VAC14: variants seen among roughly 807,000 people sequenced by gnomAD.
VAC14 encodes the protein protein VAC14 homolog.
In VAC14, 47 loss-of-function variants were observed where a neutral mutation model predicts 85.3. That is an observed-to-expected ratio of 0.55 (90% CI 0.44 to 0.70). The LOEUF (loss-of-function observed/expected upper bound fraction) is 0.70. VAC14 is among the 30% of genes least tolerant of loss of function. The probability of loss-of-function intolerance (pLI) is 0.00; values close to 1 mark genes in which losing one functional copy is unlikely to be tolerated. For synonymous variants in VAC14, 447 were observed against 430.5 expected (o/e 1.04, Z -0.47); for missense variants, 861 against 1,004.3 (o/e 0.86, Z 1.93).
intron 12 of VAC14, chr16:70,761,254 G>A (rs1320489338): frequency 2.2e-6 from 1 of 451,024 alleles, no homozygotes. Flanking sequence ...ACTCCATGGG[G>A]ACTGGTGAGC....
intron 12 of VAC14, among the ~76,000 whole-genome samples, chr16:70,757,582 C>T (rs1460958000): frequency 1.3e-5 from 2 of 152,198 alleles, no homozygotes; most frequent in East Asian, 3.9e-4. Flanking sequence ...TCAAGTCCCT[C>T]AAACACCCCT....
At chr16:70,718,816 G>A (rs1390396729) in intron 14 of VAC14, among the ~76,000 whole-genome samples, 3 of 152,192 alleles carry the variant, frequency 2.0e-5, no homozygotes, top group African/African-American at 7.2e-5. Flanking sequence ...GATCATAACT[G>A]GCTGGGATGC....
intron 1 of VAC14, among the ~76,000 whole-genome samples, chr16:70,793,959 G>A (rs566580731): frequency 3.9e-5 from 6 of 152,248 alleles, no homozygotes; most frequent in African/African-American, 1.2e-4. Context: ...CAGATATGAC[G>A]TAGGAATGAG....
At chr16:70,698,891 G>T in intron 14 of VAC14, 80 bp from the exon 15 acceptor site, 1 of 1,256,488 alleles carries the variant, frequency 8.0e-7, no homozygotes, top group Admixed American at 2.1e-5. Flanking sequence ...CCTCCTCTTG[G>T]TTTTGCAGCG....
intron 14 of VAC14, among the ~76,000 whole-genome samples, chr16:70,730,938 G>A (rs1043911246): frequency 6.6e-6 from 1 of 152,214 alleles, no homozygotes; most frequent in African/African-American, 2.4e-5. Flanking sequence ...ACCAGGTTGA[G>A]GGTGACACTG....
chr16:70,711,893 G>A lies in VAC14; in HGVS notation c.1662-13082C>T, dbSNP rs113758128. On this transcript the variant is annotated intron_variant, in intron 14 of 18. Coordinates refer to ENST00000261776, the MANE Select transcript of VAC14 (RefSeq NM_018052.5). ...ATGAATACTCACCAGTGGTAACAAA[G>A]AGCAAATATCAGAGCAGCCTCACGG... Among the ~76,000 whole-genome samples, 50 of 152,302 alleles carry A rather than the reference G, an allele frequency of 3.3e-4. 2 individuals are homozygous for A. Among genetic ancestry groups the A allele is most frequent in the African/African-American group, 1.1e-3 (46 of 41,570 alleles).
At chr16:70,744,921 C>T (rs78364423) in intron 12 of VAC14, 7,815 of 248,320 alleles carry the variant, frequency 0.031, 602 homozygotes, top group African/African-American at 0.16. Context: ...GGAAGCAGGG[C>T]GTTATCTGCA....
intron 18 of VAC14, 132 bp from the exon 19 acceptor site, chr16:70,688,222 G>A: frequency 7.6e-7 from 1 of 1,318,936 alleles, no homozygotes. Context: ...CTCAGGCCTG[G>A]CAACTCTTCC....
intron 14 of VAC14, among the ~76,000 whole-genome samples, chr16:70,725,393 G>A (rs1451048442): frequency 1.3e-5 from 2 of 152,250 alleles, no homozygotes; most frequent in African/African-American, 2.4e-5. Context: ...CACGAGGCCA[G>A]CAAAGTGGAA....
intron 14 of VAC14, among the ~76,000 whole-genome samples, chr16:70,700,964 AG>A (rs2053814155): frequency 6.6e-6 from 1 of 152,156 alleles, no homozygotes; most frequent in Non-Finnish European, 1.5e-5. Context: ...CAGGCTGAGG[AG>A]GGTGCGGAGG....
intron 10 of VAC14, among the ~76,000 whole-genome samples, chr16:70,765,693 G>C (rs1339222334): frequency 6.6e-6 from 1 of 152,198 alleles, no homozygotes; most frequent in African/African-American, 2.4e-5. Flanking sequence ...GGCTCAGAGA[G>C]AGTCCCTGGT....
chr16:70,702,675 C>T (rs1380856699), intron 14 of VAC14, among the ~76,000 whole-genome samples: 1 of 152,208 alleles, frequency 6.6e-6, no homozygotes, highest in Non-Finnish European at 1.5e-5. Flanking sequence ...GTAATAATAG[C>T]GGAAGTGTTG....
In VAC14 at chr16:70,695,634, A is replaced by G. The variant is rs1316804082; in HGVS notation, c.1956-11T>C. 2 of 1,611,222 alleles carry G rather than the reference A, an allele frequency of 1.2e-6. No individual in the cohort carries two copies. The highest frequency in any genetic ancestry group is 1.7e-6 in the Non-Finnish European group (2 of 1,177,990). ...ACCTCCAGGTCCCCACTGGGTGTGC[A>G]GTCAAGGAAAGTCTGTCTGCTGGGC... On this transcript the variant is annotated splice_polypyrimidine_tract_variant and intron_variant, in intron 16 of 18. Coordinates refer to ENST00000261776, the MANE Select transcript of VAC14 (RefSeq NM_018052.5).
In VAC14 at chr16:70,777,638, C is replaced by A. The variant is rs750101318; in HGVS notation, c.1096+3152G>T. ...GGGGGAGTCGGAGCAAGTGAAGAGG[C>A]ACAGATGAGGGGCTGCCCTGACTGG... On this transcript the variant is annotated intron_variant, in intron 9 of 18. Transcript: ENST00000261776. Among the ~76,000 whole-genome samples, 3 of 152,202 alleles carry A rather than the reference C, an allele frequency of 2.0e-5. No individual in the cohort carries two copies. In the East Asian group the frequency reaches 5.8e-4, roughly 29 times the overall value.
chr16:70,719,458 G>A lies in VAC14; in HGVS notation c.1661+12037C>T, dbSNP rs577608730. Among the ~76,000 whole-genome samples the A allele has an allele frequency of 2.6e-5, 4 of 152,316 alleles. No homozygotes were observed. In the Middle Eastern group the frequency reaches 0.014, roughly 518 times the overall value. ...TGATAAGGCATGCCACAGAGTAGGA[G>A]AAGATAATGACAGTATATACAACTG... On this transcript the variant is annotated intron_variant, in intron 14 of 18. Transcript: ENST00000261776.
At chr16:70,765,524 T>C (rs1460564638) in intron 10 of VAC14, among the ~76,000 whole-genome samples, 2 of 152,186 alleles carry the variant, frequency 1.3e-5, no homozygotes, top group African/African-American at 2.4e-5. Flanking sequence ...AGCATGCCAC[T>C]TCCATTTCGG....
At chr16:70,777,553 T>C (rs1174068644) in intron 9 of VAC14, among the ~76,000 whole-genome samples, 1 of 152,038 alleles carries the variant, frequency 6.6e-6, no homozygotes, top group African/African-American at 2.4e-5. Flanking sequence ...CAAAGTGCCA[T>C]AAGAGCTCAG....
chr16:70,721,038 G>A lies in VAC14; in HGVS notation c.1661+10457C>T, dbSNP rs184668920. Among the ~76,000 whole-genome samples the A allele has an allele frequency of 6.1e-3, 930 of 152,354 alleles. 6 individuals carry two copies. Among genetic ancestry groups the A allele is most frequent in the Non-Finnish European group, 8.7e-3 (590 of 68,036 alleles). On this transcript the variant is annotated intron_variant, in intron 14 of 18. Transcript: ENST00000261776. ...TGCGAGCCACTGCGATAAGCCAGGGGAAAAACACATCCCTGAGAAGAGGGG... is the reference window on the plus strand; with the variant it reads ...TGCGAGCCACTGCGATAAGCCAGGGAAAAAACACATCCCTGAGAAGAGGGG...
At chr16:70,753,118 C>T (rs2031535586) in intron 12 of VAC14, among the ~76,000 whole-genome samples, 1 of 152,064 alleles carries the variant, frequency 6.6e-6, no homozygotes, top group South Asian at 2.1e-4. Flanking sequence ...TACTTAACTT[C>T]TCCAGTTTCC....
Sources: gnomAD v4.1 joint callset for allele counts (sites outside exome capture counted in the v4.1 genomes callset) on GRCh38, gnomAD v4.1.1 for gene constraint, MANE v1.5 for transcripts, NCBI Gene and HGNC (gene_info 2026-07-23, HGNC 2026-07-21) for gene names.